Variants in WWOX observed in about 807,000 individuals in gnomAD.
WWOX encodes WW domain containing oxidoreductase.
WWOX carries 69 observed loss-of-function variants against 46.2 expected under a neutral mutation model. That is an observed-to-expected ratio of 1.49 (90% CI 1.23 to 1.82). The LOEUF is 1.82. Among genes scored for constraint, WWOX ranks in the 40% most tolerant of loss-of-function variants. WWOX has a pLI of 0.00. For synonymous variants in WWOX, 359 were observed against 202.6 expected, an observed-to-expected ratio of 1.77 and a Z score of -6.56; for missense variants, 919 against 542.6, an observed-to-expected ratio of 1.69 and a Z score of -6.89.
At chr16:78,674,324 C>A (rs892946717) in intron 8 of WWOX, among the ~76,000 whole-genome samples, 1 of 143,328 alleles carries the variant, frequency 7.0e-6, no homozygotes, top group Admixed American at 7.2e-5. Context: ...TTGCTCTTTT[C>A]CCCAGGCTGG....
At chr16:78,599,826 G>T (rs2045578858) in intron 8 of WWOX, among the ~76,000 whole-genome samples, 1 of 152,134 alleles carries the variant, frequency 6.6e-6, no homozygotes, top group Non-Finnish European at 1.5e-5. Flanking sequence ...CTGGGATTGG[G>T]TGTGGTGTCC....
At chr16:78,957,918 A>G (rs1325537468) in intron 8 of WWOX, among the ~76,000 whole-genome samples, 3 of 152,200 alleles carry the variant, frequency 2.0e-5, no homozygotes, top group Non-Finnish European at 2.9e-5. Flanking sequence ...TGTTTGTGCA[A>G]CAACTCAATT....
At chr16:78,171,797 C>G (rs1206806862) in intron 5 of WWOX, among the ~76,000 whole-genome samples, 1 of 152,162 alleles carries the variant, frequency 6.6e-6, no homozygotes, top group Non-Finnish European at 1.5e-5. Flanking sequence ...CCAGCAAGAA[C>G]TATATAAGCC....
intron 8 of WWOX, among the ~76,000 whole-genome samples, chr16:79,136,321 C>G (rs1230195056): frequency 6.6e-6 from 1 of 151,938 alleles, no homozygotes; most frequent in African/African-American, 2.4e-5. Flanking sequence ...ACATTTGACT[C>G]CCTGGTTCAA....
chr16:79,016,865 C>T (rs1024595153), intron 8 of WWOX: 9 of 152,126 alleles, frequency 5.9e-5, no homozygotes, highest in African/African-American at 9.7e-5. Context: ...CGATAACGCC[C>T]CTCTGTGTAT....
At chr16:78,753,126 C>G (rs1359268591) in intron 8 of WWOX, among the ~76,000 whole-genome samples, 1 of 152,114 alleles carries the variant, frequency 6.6e-6, no homozygotes, top group Non-Finnish European at 1.5e-5. Context: ...GAAACCCCGT[C>G]TCTACTAATA....
chr16:78,341,857 G>T (rs1262504743), intron 5 of WWOX, among the ~76,000 whole-genome samples: 1 of 120,468 alleles, frequency 8.3e-6, no homozygotes, highest in East Asian at 1.9e-4. Context: ...GTGCACACCT[G>T]TAATTCTAGC....
chr16:78,813,526 T>C (rs2051251520), intron 8 of WWOX, among the ~76,000 whole-genome samples: 1 of 152,150 alleles, frequency 6.6e-6, no homozygotes, highest in Non-Finnish European at 1.5e-5. Flanking sequence ...GCCTATCTGA[T>C]TCTGTGGTGG....
At chr16:79,169,561 G>A (rs746903656) in intron 8 of WWOX, among the ~76,000 whole-genome samples, 2 of 152,178 alleles carry the variant, frequency 1.3e-5, no homozygotes, top group Non-Finnish European at 2.9e-5. Flanking sequence ...CCAGCACCCA[G>A]AATCAAGGAT....
At chr16:78,594,222 T>C (rs1355358247) in intron 8 of WWOX, among the ~76,000 whole-genome samples, 1 of 152,032 alleles carries the variant, frequency 6.6e-6, no homozygotes, top group Admixed American at 6.5e-5. Context: ...AGCAAACCTA[T>C]GTGTATGTGT....
At chr16:78,465,702 T>C (rs1221420829) in intron 8 of WWOX, among the ~76,000 whole-genome samples, 4 of 152,226 alleles carry the variant, frequency 2.6e-5, no homozygotes, top group Non-Finnish European at 4.4e-5. Flanking sequence ...ATTTAGCATA[T>C]TTCCTTTTAA....
At chr16:78,896,850 G>C (rs889122099) in intron 8 of WWOX, 2 of 151,842 alleles carry the variant, frequency 1.3e-5, no homozygotes, top group African/African-American at 4.8e-5. Flanking sequence ...TATAAAATTA[G>C]CATATTTTAA....
chr16:78,419,954 TA>T (rs907401629), intron 6 of WWOX, among the ~76,000 whole-genome samples: 45 of 152,096 alleles, frequency 3.0e-4, no homozygotes, highest in African/African-American at 9.7e-4. Context: ...AAAACTCATT[TA>T]AAAAATGAGC....
At chr16:78,842,777 A>G (rs1165740669) in intron 8 of WWOX, among the ~76,000 whole-genome samples, 1 of 150,912 alleles carries the variant, frequency 6.6e-6, no homozygotes, top group Admixed American at 6.6e-5. Context: ...ATTTGAGCCC[A>G]GGAGGCGGAG....
rs2081647968 is a variant in WWOX, at chr16:78,370,465, T to C, written c.517-16395T>C. 2.7e-5 allele frequency among the ~76,000 whole-genome samples: 4 copies of C among 150,442 alleles called. No individual in the cohort carries two copies. In the Admixed American group the frequency reaches 2.7e-4, roughly 10 times the overall value. On this transcript the variant is annotated intron_variant, in intron 5 of 8. Coordinates refer to ENST00000566780, the MANE Select transcript of WWOX (RefSeq NM_016373.4). ...GAAAGGGAAAAAGGAGAGAAATATATGAGAGACGTATGCTGGGGGTATCTA... is the reference window on the plus strand; with the variant it reads ...GAAAGGGAAAAAGGAGAGAAATATACGAGAGACGTATGCTGGGGGTATCTA...
intron 8 of WWOX, among the ~76,000 whole-genome samples, chr16:79,186,311 G>A (rs1266255933): frequency 6.6e-6 from 1 of 152,182 alleles, no homozygotes; most frequent in African/African-American, 2.4e-5. Context: ...CCAGACGTCT[G>A]AGACCACAGT....
Position 79,105,790 on chromosome 16 carries a change from A to G in WWOX, c.1057-105818A>G, listed in dbSNP as rs77562312. ...CAATCCTCCCACCTCATCCTCCCAA[A>G]TACCTGAGACTACAGGCAGTCACCA... is the stretch of plus-strand genomic sequence containing the variant. On this transcript the variant is annotated intron_variant, in intron 8 of 8. Coordinates refer to ENST00000566780, the MANE Select transcript of WWOX (RefSeq NM_016373.4). 4.4e-3 allele frequency among the ~76,000 whole-genome samples: 671 copies of G among 151,932 alleles called. 5 individuals are homozygous for G. The highest frequency in any genetic ancestry group is 0.015 in the African/African-American group (640 of 41,422).
At chr16:78,629,075 T>A (rs2046371848) in intron 8 of WWOX, among the ~76,000 whole-genome samples, 1 of 152,340 alleles carries the variant, frequency 6.6e-6, no homozygotes, top group South Asian at 2.1e-4. Flanking sequence ...TGTGCTTACA[T>A]ATTTCAAAAT....
At chr16:78,923,216 G>C (rs1420843882) in intron 8 of WWOX, among the ~76,000 whole-genome samples, 2 of 152,152 alleles carry the variant, frequency 1.3e-5, no homozygotes, top group African/African-American at 4.8e-5. Context: ...CCCAACCTCA[G>C]GTGATCTGCG....
Sources: gnomAD v4.1 joint callset for allele counts (sites outside exome capture counted in the v4.1 genomes callset) on GRCh38, gnomAD v4.1.1 for gene constraint, MANE v1.5 for transcripts, NCBI Gene and HGNC (gene_info 2026-07-23, HGNC 2026-07-21) for gene names.